EPB41L2: variants seen among roughly 807,000 people sequenced by gnomAD.
The protein encoded by EPB41L2 is erythrocyte membrane protein band 4.1 like 2.
EPB41L2 carries 43 observed loss-of-function variants against 113.0 expected under a neutral mutation model. That is an observed-to-expected ratio of 0.38 (90% CI 0.30 to 0.49). EPB41L2 has a LOEUF of 0.49. Ranked by LOEUF, EPB41L2 falls within the 20% of genes least tolerant of loss-of-function variation. The pLI, the probability that EPB41L2 is intolerant of heterozygous loss-of-function variation, is 0.95. For synonymous variants in EPB41L2, 442 were observed against 436.7 expected (o/e 1.01, Z -0.15); for missense variants, 1,147 against 1,223.4 (o/e 0.94, Z 0.93).
chr6:131,047,520 T>C (rs1562796184), intron 1 of EPB41L2, among the ~76,000 whole-genome samples: 1 of 152,234 alleles, frequency 6.6e-6, no homozygotes, highest in Non-Finnish European at 1.5e-5. Flanking sequence ...TAAAATAAAC[T>C]ATCTCCAACA....
chr6:131,040,903 A>G (rs1033819383), intron 1 of EPB41L2, among the ~76,000 whole-genome samples: 2 of 152,248 alleles, frequency 1.3e-5, no homozygotes, highest in Non-Finnish European at 2.9e-5. Context: ...ACATAGAAAC[A>G]ATTAAGCCAA....
intron 4 of EPB41L2, among the ~76,000 whole-genome samples, chr6:130,925,893 G>C (rs1173386043): frequency 6.6e-6 from 1 of 152,146 alleles, no homozygotes; most frequent in Non-Finnish European, 1.5e-5. Flanking sequence ...CCACAAATTA[G>C]ATATCAAGTA....
chr6:131,055,698 T>C (rs1797445253), intron 1 of EPB41L2, among the ~76,000 whole-genome samples: 1 of 152,190 alleles, frequency 6.6e-6, no homozygotes, highest in African/African-American at 2.4e-5. Context: ...GAGCCATTTA[T>C]TCAATTTTTA....
Position 130,932,800 on chromosome 6 carries a change from G to A in EPB41L2, c.706-6091C>T, listed in dbSNP as rs144473396. On this transcript the variant is annotated intron_variant, in intron 3 of 19. Transcript: ENST00000337057. ...TAGCTGACTAGTAGGCCAAAAGATA[G>A]CTGCTGATGGAACGGCTCAATGCCA... Among the ~76,000 whole-genome samples, 996 of 152,360 alleles carry A rather than the reference G, an allele frequency of 6.5e-3. 16 individuals carry two copies. The highest frequency in any genetic ancestry group is 0.023 in the African/African-American group (960 of 41,584).
intron 1 of EPB41L2, among the ~76,000 whole-genome samples, chr6:131,053,233 T>C (rs1479308410): frequency 7.5e-6 from 1 of 132,588 alleles, no homozygotes; most frequent in Non-Finnish European, 1.7e-5. Flanking sequence ...AAAAATATTC[T>C]GAAACTTTAA....
intron 4 of EPB41L2, among the ~76,000 whole-genome samples, chr6:130,911,923 G>A (rs1313769865): frequency 1.3e-5 from 2 of 152,136 alleles, no homozygotes; most frequent in Admixed American, 6.5e-5. Flanking sequence ...CCCACGGACT[G>A]GTACCGATCG....
intron 3 of EPB41L2, among the ~76,000 whole-genome samples, chr6:130,927,863 C>A (rs1805280583): frequency 6.6e-6 from 1 of 152,168 alleles, no homozygotes; most frequent in Non-Finnish European, 1.5e-5. Flanking sequence ...GAGGCTGAGG[C>A]AGGCATATCT....
At chr6:130,987,511 G>A (rs1487221575) in intron 1 of EPB41L2, among the ~76,000 whole-genome samples, 5 of 152,190 alleles carry the variant, frequency 3.3e-5, no homozygotes, top group African/African-American at 1.2e-4. Flanking sequence ...TGCCCAACAT[G>A]GTGAAACCCT....
In EPB41L2 at chr6:131,048,155, AAAG is replaced by A. The variant is rs1171540161; in HGVS notation, c.-15+14997_-15+14999del. ...CTCTGTCTCAAAAAAAAAAAAAAAA[AAAG>A]AAAAAAAGAAAAGAAAAATCTAAAA... On this transcript the variant is annotated intron_variant, in intron 1 of 19. Transcript: ENST00000337057. 4.3e-4 allele frequency among the ~76,000 whole-genome samples: 40 copies of A among 93,706 alleles called. 1 individual carries two copies. Among genetic ancestry groups the A allele is most frequent in the South Asian group, 1.0e-3 (3 of 2,932 alleles). The allele number at this position is 93,706 out of a possible 152,430, so 61.5% of individuals were successfully genotyped here.
At chr6:130,906,973 T>C (rs547514921) in intron 5 of EPB41L2, among the ~76,000 whole-genome samples, 1 of 152,326 alleles carries the variant, frequency 6.6e-6, no homozygotes, top group African/African-American at 2.4e-5. Flanking sequence ...GAAATAACTT[T>C]TTGAAACTTC....
At chr6:130,926,431 C>T (rs954513580) in intron 4 of EPB41L2, among the ~76,000 whole-genome samples, 174 bp downstream of exon 4, 4 of 152,134 alleles carry the variant, frequency 2.6e-5, no homozygotes, top group East Asian at 3.8e-4. Flanking sequence ...CACCAAAAAG[C>T]TACAGGTGGT....
chr6:131,006,252 T>C (rs1013798594), intron 1 of EPB41L2, among the ~76,000 whole-genome samples: 4 of 151,734 alleles, frequency 2.6e-5, no homozygotes, highest in Non-Finnish European at 5.9e-5. Flanking sequence ...AGACAAGGTT[T>C]CACCAGGTTG....
At chr6:130,954,992 G>A in intron 3 of EPB41L2, 113 bp downstream of exon 3, 1 of 905,796 alleles carries the variant, frequency 1.1e-6, no homozygotes, top group South Asian at 1.6e-5. Context: ...TTTTTTTAGT[G>A]CAAAACTGTA....
At chr6:130,872,304 A>G (rs1785990954) in intron 14 of EPB41L2, 1 of 1,197,544 alleles carries the variant, frequency 8.4e-7, no homozygotes, top group Admixed American at 3.1e-5. Context: ...GTGCCTGAAT[A>G]TTTAAAAAAA....
At chr6:130,867,796 A>G (rs1263901952) in intron 15 of EPB41L2, 6 of 516,640 alleles carry the variant, frequency 1.2e-5, no homozygotes, top group Non-Finnish European at 2.1e-5. Flanking sequence ...ATGTGCACAT[A>G]GATACGTACA....
At chr6:131,013,062 T>C (rs1787395050) in intron 1 of EPB41L2, among the ~76,000 whole-genome samples, 1 of 152,176 alleles carries the variant, frequency 6.6e-6, no homozygotes, top group Admixed American at 6.5e-5. Flanking sequence ...TCCAGAGAAG[T>C]AAAAGGTGTA....
chr6:131,060,156 C>T (rs1034198361), intron 1 of EPB41L2, among the ~76,000 whole-genome samples: 8 of 152,160 alleles, frequency 5.3e-5, no homozygotes, highest in African/African-American at 1.4e-4. Context: ...CCACCATGCC[C>T]GGCTAATTTT....
intron 1 of EPB41L2, among the ~76,000 whole-genome samples, chr6:131,025,024 C>T (rs1790530936): frequency 6.6e-6 from 1 of 152,074 alleles, no homozygotes; most frequent in Admixed American, 6.5e-5. Flanking sequence ...TCATTGGAGG[C>T]CTCACTCTAC....
Position 131,005,089 on chromosome 6 carries a change from T to C in EPB41L2, c.-14-48590A>G, listed in dbSNP as rs74803954. Reference sequence around the variant, plus strand: ...AGACGTCAATGCTAATATAGATACATTTAAAGTAGTCAAGACAACAGAAAA... The same window carrying C: ...AGACGTCAATGCTAATATAGATACACTTAAAGTAGTCAAGACAACAGAAAA... On this transcript the variant is annotated intron_variant, in intron 1 of 19. Coordinates refer to ENST00000337057, the MANE Select transcript of EPB41L2 (RefSeq NM_001431.4). 0.012 allele frequency among the ~76,000 whole-genome samples: 1,787 copies of C among 152,046 alleles called. 191 individuals are homozygous for C. The East Asian group carries it at 0.27, about 23-fold the overall frequency.
Sources: gnomAD v4.1 joint callset for allele counts (sites outside exome capture counted in the v4.1 genomes callset) on GRCh38, gnomAD v4.1.1 for gene constraint, MANE v1.5 for transcripts, NCBI Gene and HGNC (gene_info 2026-07-23, HGNC 2026-07-21) for gene names.